The following TNC variants were observed in gnomAD, a reference collection of about 807,000 sequenced individuals.
The protein encoded by TNC is tenascin.
TNC carries 109 observed loss-of-function variants against 202.4 expected under a neutral mutation model. That is an observed-to-expected ratio of 0.54 (90% confidence interval 0.46 to 0.63). The LOEUF (loss-of-function observed/expected upper bound fraction) is 0.63. TNC is among the 30% of genes least tolerant of loss of function. TNC has a pLI of 0.00. For missense variants in TNC, 2,756 were observed against 2,833.3 expected (o/e 0.97, Z 0.62); for synonymous variants, 1,007 against 1,089.7 (o/e 0.92, Z 1.50).
Position 115,035,330 on chromosome 9 carries a change from G to A in TNC, c.5661C>T (p.Leu1887=), listed in dbSNP as rs749410374. 8.1e-6 allele frequency: 13 copies of A among 1,610,388 alleles called. No individual in the cohort carries two copies. The highest frequency in any genetic ancestry group is 6.7e-5 in the Admixed American group (4 of 59,380). ...STITAKFTTD[L]DSPRDLTATE... is the part of the protein sequence containing the mutation. ...TAGCAGTCAAGTCTCTTGGAGAATC[G>A]AGGTCTGGAGAAGACAGGATGATTA... The change falls in exon 22 of 28, where the codon CTC becomes CTT. Residue 1887 remains leucine, a synonymous_variant. Coordinates refer to ENST00000350763, the MANE Select transcript of TNC (RefSeq NM_002160.4).
At chr9:115,071,867 T>C (rs2132986392) in intron 10 of TNC, among the ~76,000 whole-genome samples, 2 of 152,332 alleles carry the variant, frequency 1.3e-5, no homozygotes, top group South Asian at 4.1e-4. Context: ...AAATCTCTAC[T>C]ATAGATTTAT....
intron 16 of TNC, among the ~76,000 whole-genome samples, chr9:115,047,005 T>G (rs973531497): frequency 6.6e-6 from 1 of 152,198 alleles, no homozygotes; most frequent in Non-Finnish European, 1.5e-5. Flanking sequence ...TCAAAGCCAG[T>G]AAATTGTTTA....
At chr9:115,103,327 TTAGTTAGTAACCC>T (rs1426955232) in intron 1 of TNC, among the ~76,000 whole-genome samples, 8 of 152,268 alleles carry the variant, frequency 5.3e-5, no homozygotes, top group Non-Finnish European at 1.0e-4. Flanking sequence ...TCCTGGGTTA[TTAGTTAGTAACCC>T]TTTCAATTTC....
chr9:115,058,983 T>C (rs995046547), intron 14 of TNC, among the ~76,000 whole-genome samples: 1 of 152,214 alleles, frequency 6.6e-6, no homozygotes, highest in African/African-American at 2.4e-5. Flanking sequence ...AGAGAAACTC[T>C]TGATTAAAAG....
intron 7 of TNC, among the ~76,000 whole-genome samples, chr9:115,076,987 T>C (rs916519386): frequency 2.6e-5 from 4 of 152,174 alleles, no homozygotes; most frequent in African/African-American, 9.7e-5. Context: ...AACCCCTGCT[T>C]CCCAGGTTCA....
At chr9:115,083,860 C>T (rs1406401932) in intron 4 of TNC, among the ~76,000 whole-genome samples, 1 of 152,166 alleles carries the variant, frequency 6.6e-6, no homozygotes, top group Non-Finnish European at 1.5e-5. Flanking sequence ...CTACTTTGGC[C>T]TCCCAAAGTG....
At chr9:115,096,479 A>C (rs1835801555) in intron 1 of TNC, among the ~76,000 whole-genome samples, 2 of 152,194 alleles carry the variant, frequency 1.3e-5, no homozygotes, top group African/African-American at 4.8e-5. Context: ...ACTGGTTTAG[A>C]GGATTGCTTG....
At chr9:115,092,773 T>C (rs1256142061) in intron 1 of TNC, among the ~76,000 whole-genome samples, 1 of 150,702 alleles carries the variant, frequency 6.6e-6, no homozygotes, top group African/African-American at 2.4e-5. Context: ...TTTAGTAGAG[T>C]TGGAGTTTCA....
intron 14 of TNC, among the ~76,000 whole-genome samples, 179 bp from the exon 15 acceptor site, chr9:115,057,604 T>G (rs1180600759): frequency 6.6e-6 from 1 of 152,186 alleles, no homozygotes; most frequent in Non-Finnish European, 1.5e-5. Flanking sequence ...AAAAGCAGTT[T>G]TGTTAAAAGA....
chr9:115,117,632 C>G (rs1471985275), intron 1 of TNC, among the ~76,000 whole-genome samples: 1 of 152,212 alleles, frequency 6.6e-6, no homozygotes, highest in East Asian at 1.9e-4. Flanking sequence ...CTCTACTGCC[C>G]TAACCCTCAA....
intron 2 of TNC, among the ~76,000 whole-genome samples, chr9:115,088,603 C>T (rs907384976): frequency 1.3e-5 from 2 of 152,100 alleles, no homozygotes; most frequent in Non-Finnish European, 2.9e-5. Context: ...TCTATATTCT[C>T]TGCACTAGAG....
rs1274107213 is a variant in TNC at position 115,020,707 on chromosome 9, T to G, written c.*450A>C. 9.0e-6 allele frequency: 3 copies of G among 331,792 alleles called. No homozygotes were observed. The highest frequency in any genetic ancestry group is 1.8e-5 in the Non-Finnish European group (3 of 168,362). The allele number at this position is 331,792 out of a possible 1,614,324, so 20.6% of individuals were successfully genotyped here. ...ATGGAAACAGTATTGCTTTTCTGGT[T>G]TCTGTTGTATGAAATGTAAAAAAAG... On this transcript the variant is annotated 3_prime_UTR_variant, in exon 28 of 28. Transcript: ENST00000350763.
At chr9:115,029,822 TA>T (rs1437528446) in intron 24 of TNC, among the ~76,000 whole-genome samples, 4 of 152,208 alleles carry the variant, frequency 2.6e-5, no homozygotes, top group African/African-American at 4.8e-5. Flanking sequence ...AAAACTGTTC[TA>T]AAAAAATAGA....
intron 17 of TNC, among the ~76,000 whole-genome samples, 184 bp from the exon 18 acceptor site, chr9:115,042,525 T>C (rs1349335069): frequency 6.6e-6 from 1 of 152,154 alleles, no homozygotes; most frequent in Non-Finnish European, 1.5e-5. Context: ...AATTGTTTCA[T>C]TTCAGGTACA....
Position 115,091,074 on chromosome 9 carries a change from A to C in TNC, c.-56T>G. 1.0e-4 allele frequency: 142 copies of C among 1,404,866 alleles called. No individual in the cohort carries two copies. The highest frequency in any genetic ancestry group is 1.2e-4 in the Non-Finnish European group (123 of 1,014,556). The allele number at this position is 1,404,866 out of a possible 1,614,324, so 87.0% of individuals were successfully genotyped here. A position where few individuals can be genotyped will look rare whatever the true frequency, so the allele number is the denominator to read the frequency against. ...GGGCTCTAGGGCTCTAGGGTATCTC[A>C]CTTTCAGCAGAATTGGGGATTTAGA... On this transcript the variant is annotated 5_prime_UTR_variant, in exon 2 of 28. Transcript: ENST00000350763.
At chr9:115,023,130 A>G (rs1166365807) in intron 27 of TNC, among the ~76,000 whole-genome samples, 8 of 151,848 alleles carry the variant, frequency 5.3e-5, no homozygotes, top group Non-Finnish European at 1.0e-4. Context: ...GGCCCTTTGC[A>G]TTTTTATAAA....
chr9:115,070,750 G>A (rs2132943699), intron 10 of TNC, among the ~76,000 whole-genome samples: 1 of 152,284 alleles, frequency 6.6e-6, no homozygotes, highest in East Asian at 1.9e-4. Flanking sequence ...GAAGGTTCTT[G>A]CTTCTGATGG....
chr9:115,084,424 A>C lies in TNC; in HGVS notation c.1916T>G (p.Val639Gly). 1.2e-6 allele frequency: 2 copies of C among 1,614,158 alleles called. No homozygotes were observed. The highest frequency in any genetic ancestry group is 1.7e-6 in the Non-Finnish European group (2 of 1,180,026). The change falls in exon 4 of 28, where the codon GTC becomes GGC. Residue 639 changes from valine to glycine, a missense_variant. By Grantham distance (109) the Val-to-Gly change is moderately radical. Coordinates refer to ENST00000350763, the MANE Select transcript of TNC (RefSeq NM_002160.4). The stretch of plus-strand genomic sequence containing the variant: ...CATCTCATTGTCCCAGGCCAGGTTG[A>C]CCGTCTCTTCCGTCACTTCTGTCAC... ...LVVTEVTEET[V>G]NLAWDNEMRV...
At position 115,073,771 on chromosome 9, in the gene TNC, G is replaced by A. The variant is rs113957149; in HGVS notation, c.3046C>T (p.Arg1016Cys). The A allele has an allele frequency of 2.2e-5, 35 of 1,614,026 alleles. No individual in the cohort carries two copies. The East Asian group carries it at 4.9e-4, about 23-fold the overall frequency. The change falls in exon 10 of 28, where the codon CGC becomes TGC. Residue 1016 changes from arginine to cysteine, a missense_variant. Transcript: ENST00000350763. ...KTPLAKFDRY[R>C]LNYSLPTGQW... The stretch of plus-strand genomic sequence containing the variant: ...CCTGTGGGGAGACTGTAATTGAGGC[G>A]GTAGCGGTCAAATTTGGCCAACGGT...
Sources: allele counts gnomAD v4.1 joint callset (sites outside exome capture counted in the v4.1 genomes callset), GRCh38; gene constraint gnomAD v4.1.1; transcripts MANE v1.5; gene names NCBI Gene and HGNC (gene_info 2026-07-23, HGNC 2026-07-21).